KMT2B: variants seen among roughly 807,000 people sequenced by gnomAD.
KMT2B encodes the protein lysine methyltransferase 2B.
In KMT2B, 22 loss-of-function variants were observed where a neutral mutation model predicts 255.3. The ratio of observed to expected loss-of-function variants is 0.09; its 90% confidence interval spans 0.06 to 0.12. The LOEUF (loss-of-function observed/expected upper bound fraction) is 0.12. Ranked by LOEUF, KMT2B falls within the 10% of genes least tolerant of loss-of-function variation. The probability of loss-of-function intolerance (pLI) is 1.00; values close to 1 mark genes in which losing one functional copy is unlikely to be tolerated. For missense variants in KMT2B, 3,149 were observed against 3,737.0 expected, an observed-to-expected ratio of 0.84 and a Z score of 4.10; for synonymous variants, 1,730 against 1,498.1, an observed-to-expected ratio of 1.15 and a Z score of -3.57.
rs201747333 is a variant in KMT2B at position 35,733,705 on chromosome 19, C to T, written c.7049+19C>T. 71 of 1,606,008 alleles carry T rather than the reference C, an allele frequency of 4.4e-5. No individual in the cohort carries two copies. In the African/African-American group the frequency reaches 7.2e-4, roughly 16 times the overall value. On this transcript the variant is annotated intron_variant, in intron 29 of 36. Coordinates refer to ENST00000420124, the MANE Select transcript of KMT2B (RefSeq NM_014727.3). The surrounding 1 kb of genome is among the most constrained non-coding windows in gnomAD (Gnocchi z 4.3). Reference sequence around the variant, plus strand: ...GTCCTGGGTGAGTGGCCAGGCCCCTCTCCCTGGAGGGTCTGGGACCTCTGT... The same window carrying T: ...GTCCTGGGTGAGTGGCCAGGCCCCTTTCCCTGGAGGGTCTGGGACCTCTGT...
intron 3 of KMT2B, 109 bp downstream of exon 3, chr19:35,721,913 C>T (rs179685): frequency 1.4e-6 from 2 of 1,394,878 alleles, no homozygotes; most frequent in East Asian, 2.5e-5. Flanking sequence ...GCGGGGAACC[C>T]TCAGAACCTG....
In KMT2B at chr19:35,720,318, A is replaced by G. The variant is rs753110732; in HGVS notation, c.971A>G (p.Glu324Gly). The change falls in exon 3 of 37, where the codon GAA becomes GGA. Residue 324 changes from glutamate to glycine, a missense_variant. Coordinates refer to ENST00000420124, the MANE Select transcript of KMT2B (RefSeq NM_014727.3). ...ATGGGACAATTGTCCTTGGGACTCG[A>G]ATCAGGTCAAGGTCAAGGTCAACAT... Reference protein sequence around the residue: ...VKMGQLSLGLESGQGQGQHEE... With the variant: ...VKMGQLSLGLGSGQGQGQHEE... 1.2e-5 allele frequency: 20 copies of G among 1,612,828 alleles called. No individual in the cohort carries two copies. In the Admixed American group the frequency reaches 2.7e-4, roughly 22 times the overall value.
At chr19:35,728,628 G>T in intron 19 of KMT2B, 146 bp from the exon 20 acceptor site, 2 of 664,598 alleles carry the variant, frequency 3.0e-6, no homozygotes, top group Non-Finnish European at 5.5e-6. Flanking sequence ...TGGCACAAGA[G>T]GGCCTGGCTT....
chr19:35,730,665 C>A, intron 25 of KMT2B, 42 bp from the exon 26 acceptor site: 2 of 1,613,872 alleles, frequency 1.2e-6, no homozygotes, highest in South Asian at 1.1e-5. Context: ...ATAGCTGGAT[C>A]CCATTTCCCA....
chr19:35,733,853 C>T lies in KMT2B; in HGVS notation c.7140C>T (p.Ser2380=). The change falls in exon 30 of 37, where the codon TCC becomes TCT. Residue 2380 remains serine, a synonymous_variant. Transcript: ENST00000420124. This position sits in a 1 kb window ranked among gnomAD's most constrained non-coding sequence, Gnocchi z 4.3. Reference sequence around the variant, plus strand: ...GTCCCCCAGACCTGCTGCTTGAGTCCCAGTGGCACCACTATTCAGGTAGGG... The same window carrying T: ...GTCCCCCAGACCTGCTGCTTGAGTCTCAGTGGCACCACTATTCAGGTAGGG... ...PDGPPDLLLE[S]QWHHYSGEAS... 6.2e-7 allele frequency: 1 copy of T among 1,613,100 alleles called. No individual in the cohort carries two copies.
rs754524790 is a variant in KMT2B at position 35,720,615 on chromosome 19, C to A, written c.1268C>A (p.Ser423Tyr). ...PPPPLPPPSTSPPPPLCPPPP... is the reference protein window; with the variant it reads ...PPPPLPPPSTYPPPPLCPPPP... ...CCACCCCTCCCACCCCCTTCGACAT[C>A]TCCTCCACCCCCACTCTGCCCTCCA... The change falls in exon 3 of 37, where the codon TCT becomes TAT. Residue 423 changes from serine to tyrosine, a missense_variant. Coordinates refer to ENST00000420124, the MANE Select transcript of KMT2B (RefSeq NM_014727.3). The A allele has an allele frequency of 5.9e-5, 57 of 964,824 alleles. No individual in the cohort carries two copies. The South Asian group carries it at 8.8e-4, about 15-fold the overall frequency. The allele number at this position is 964,824 out of a possible 1,614,324, so 59.8% of individuals were successfully genotyped here. A position where few individuals can be genotyped will look rare whatever the true frequency, so the allele number is the denominator to read the frequency against.
chr19:35,733,091 C>T lies in KMT2B; in HGVS notation c.6542C>T (p.Pro2181Leu). The change falls in exon 28 of 37, where the codon CCT becomes CTT. Residue 2181 changes from proline (P) to leucine (L), a missense_variant. Physicochemically the swap from Pro to Leu is moderately conservative, Grantham distance 98 (BLOSUM62 -3). Coordinates refer to ENST00000420124, the MANE Select transcript of KMT2B (RefSeq NM_014727.3). The surrounding 1 kb of genome is among the most constrained non-coding windows in gnomAD (Gnocchi z 4.3). The stretch of plus-strand genomic sequence containing the variant: ...CGGGTGTTAAGCCTTGGCCCTGCCC[C>T]TGAGCCCCCCAAACCCGCCACATCC... ...GVRVLSLGPA[P>L]EPPKPATSKI... 6.4e-7 allele frequency: 1 copy of T among 1,564,704 alleles called. No individual in the cohort carries two copies. Among genetic ancestry groups the T allele is most frequent in the Non-Finnish European group, 8.7e-7 (1 of 1,154,444 alleles).
Position 35,737,286 on chromosome 19 carries a change from C to T in KMT2B, c.7550+23C>T. The T allele has an allele frequency of 2.0e-6, 3 of 1,477,530 alleles. No homozygotes were observed. The highest frequency in any genetic ancestry group is 1.8e-6 in the Non-Finnish European group (2 of 1,114,176). The allele number at this position is 1,477,530 out of a possible 1,614,324, so 91.5% of individuals were successfully genotyped here. ...CCGGTGAGAGGTCTGGGGTGTGATG[C>T]CTGGGTCAGGGCGCCCCTATGAGAG... On this transcript the variant is annotated intron_variant, in intron 33 of 36. Coordinates refer to ENST00000420124, the MANE Select transcript of KMT2B (RefSeq NM_014727.3). The surrounding 1 kb of genome is among the most constrained non-coding windows in gnomAD (Gnocchi z 5.3).
intron 9 of KMT2B, 79 bp downstream of exon 9, chr19:35,724,810 CGTG>C (rs2146448733): frequency 7.6e-7 from 1 of 1,309,210 alleles, no homozygotes; most frequent in East Asian, 2.5e-5. Flanking sequence ...ACCTGAGTGT[CGTG>C]GTGTGTCCAC....
Position 35,730,336 on chromosome 19 carries a change from T to C in KMT2B, c.5077-6T>C, listed in dbSNP as rs58280237. 1.7e-4 allele frequency: 271 copies of C among 1,609,866 alleles called. 2 individuals are homozygous for C. The African/African-American group carries it at 3.3e-3, about 19-fold the overall frequency. On this transcript the variant is annotated splice_region_variant and splice_polypyrimidine_tract_variant and intron_variant, in intron 23 of 36. Coordinates refer to ENST00000420124, the MANE Select transcript of KMT2B (RefSeq NM_014727.3). ...AGCCACCTCACTTTGCCACCCCCTCTTCCAGGAAATTGTGAACCCCGATGG... is the reference window on the plus strand; with the variant it reads ...AGCCACCTCACTTTGCCACCCCCTCCTCCAGGAAATTGTGAACCCCGATGG...
intron 19 of KMT2B, among the ~76,000 whole-genome samples, chr19:35,728,473 G>C (rs564599463): frequency 7.9e-6 from 1 of 126,116 alleles, no homozygotes; most frequent in South Asian, 2.9e-4. Flanking sequence ...CAGTGATGGA[G>C]AATACCAGGG....
Position 35,738,743 on chromosome 19 carries a change from CCTTTCT to C in KMT2B, c.*187_*192del. 1.6e-6 allele frequency: 1 copy of C among 632,440 alleles called. No homozygotes were observed. Among genetic ancestry groups the C allele is most frequent in the Non-Finnish European group, 2.7e-6 (1 of 368,392 alleles). The allele number at this position is 632,440 out of a possible 1,614,324, so 39.2% of individuals were successfully genotyped here. On this transcript the variant is annotated 3_prime_UTR_variant, in exon 37 of 37. Coordinates refer to ENST00000420124, the MANE Select transcript of KMT2B (RefSeq NM_014727.3). This position sits in a 1 kb window ranked among gnomAD's most constrained non-coding sequence, Gnocchi z 8.7. ...CCTCCAGCCCATCCAGCAATCGCCC[CCTTTCT>C]GCCCTGGGGGCCCAGGATGTAGATA...
rs1221227064 is a variant in KMT2B at position 35,722,463 on chromosome 19, G to A, written c.2562G>A (p.Glu854=). ...SEDESVEAKR[E]RPSGPESPVQ... ...ATGAGTCGGTGGAAGCTAAGAGAGA[G>A]CGGCCCTCAGTATGCATCGGGAGGA... is the stretch of plus-strand genomic sequence containing the variant. Residue 854 remains glutamate, a synonymous_variant, in exon 4 of 37, where the codon GAG becomes GAA. Coordinates refer to ENST00000420124, the MANE Select transcript of KMT2B (RefSeq NM_014727.3). The A allele has an allele frequency of 1.2e-6, 2 of 1,607,684 alleles. No homozygotes were observed. The highest frequency in any genetic ancestry group is 1.7e-6 in the Non-Finnish European group (2 of 1,179,724).
Position 35,723,137 on chromosome 19 carries a change from C to G in KMT2B, c.2865C>G (p.Ser955=), listed in dbSNP as rs1969289074. The change falls in exon 6 of 37, where the codon TCC becomes TCG. Residue 955 remains serine (S), a synonymous_variant. Coordinates refer to ENST00000420124, the MANE Select transcript of KMT2B (RefSeq NM_014727.3). This position sits in a 1 kb window ranked among gnomAD's most constrained non-coding sequence, Gnocchi z 7.5. Reference sequence around the variant, plus strand: ...ACACACCCCGGCGCTCACTGCCCTCCCATCACGGCAAGAAGATGCGCATGG... The same window carrying G: ...ACACACCCCGGCGCTCACTGCCCTCGCATCACGGCAAGAAGATGCGCATGG... ...LAHTPRRSLP[S]HHGKKMRMAR... 6.2e-7 allele frequency: 1 copy of G among 1,613,542 alleles called. No individual in the cohort carries two copies. Among genetic ancestry groups the G allele is most frequent in the South Asian group, 1.1e-5 (1 of 91,082 alleles).
In KMT2B at chr19:35,722,471, C is replaced by T. The variant is rs370754915; in HGVS notation, c.2570C>T (p.Ser857Leu). 2.5e-6 allele frequency: 4 copies of T among 1,606,880 alleles called. No individual in the cohort carries two copies. Among genetic ancestry groups the T allele is most frequent in the Non-Finnish European group, 3.4e-6 (4 of 1,179,622 alleles). ...GTGGAAGCTAAGAGAGAGCGGCCCT[C>T]AGTATGCATCGGGAGGAGGGCCCTG... is the stretch of plus-strand genomic sequence containing the variant. ...ESVEAKRERPSGPESPVQGPR... is the reference protein window; with the variant it reads ...ESVEAKRERPLGPESPVQGPR... The change falls in exon 4 of 37, where the codon TCA (serine) becomes TTA (leucine). Residue 857 changes from serine (S) to leucine (L), a missense_variant and splice_region_variant. By Grantham distance (145) the Ser-to-Leu change is moderately radical (BLOSUM62 -2). Transcript: ENST00000420124.
At position 35,736,330 on chromosome 19, in the gene KMT2B, T is replaced by C. The variant is rs565580878; in HGVS notation, c.7160-360T>C. On this transcript the variant is annotated intron_variant, in intron 30 of 36. Transcript: ENST00000420124. ...AAAATAGATGTGCAAAATACAATTCTCCAGTATTTTAAATTTTGTGTGAGA... is the reference window on the plus strand; with the variant it reads ...AAAATAGATGTGCAAAATACAATTCCCCAGTATTTTAAATTTTGTGTGAGA... The C allele has an allele frequency of 2.4e-5, 5 of 208,068 alleles. No individual in the cohort carries two copies. In the South Asian group the frequency reaches 5.8e-4, roughly 24 times the overall value. 12.9% of individuals were successfully genotyped at this position (208,068 alleles called of 1,614,324 possible). A position where few individuals can be genotyped will look rare whatever the true frequency, so the allele number is the denominator to read the frequency against.
At chr19:35,729,887 C>T in intron 22 of KMT2B, 80 bp from the exon 23 acceptor site, 1 of 1,400,358 alleles carries the variant, frequency 7.1e-7, no homozygotes. Context: ...AGACAGGGAC[C>T]CATGCAGACT....
chr19:35,738,256 C>T lies in KMT2B; in HGVS notation c.7873-26C>T. On this transcript the variant is annotated intron_variant, in intron 36 of 36. Transcript: ENST00000420124. The surrounding 1 kb of genome is among the most constrained non-coding windows in gnomAD (Gnocchi z 8.7). ...GAGCCTGTCCGCGGGGACAGAGCAC[C>T]TGATCTCCCCACCTCATCCCTGCAG... 6.2e-7 allele frequency: 1 copy of T among 1,613,156 alleles called. No homozygotes were observed. The highest frequency in any genetic ancestry group is 8.5e-7 in the Non-Finnish European group (1 of 1,179,294).
In KMT2B at chr19:35,733,303, G is replaced by GCCCCCCCCCCCC; in HGVS notation, c.6758_6759insCCCCCCCCCCCC (p.Pro2256_Pro2259dup). The GCCCCCCCCCCCC allele has an allele frequency of 3.0e-6, 4 of 1,340,092 alleles. No individual in the cohort carries two copies. Among genetic ancestry groups the GCCCCCCCCCCCC allele is most frequent in the Admixed American group, 2.0e-5 (1 of 49,284 alleles). 83.0% of individuals were successfully genotyped at this position (1,340,092 alleles called of 1,614,324 possible). A position where few individuals can be genotyped will look rare whatever the true frequency, so the allele number is the denominator to read the frequency against. On this transcript the variant is annotated inframe_insertion, in exon 28 of 37. Transcript: ENST00000420124. The surrounding 1 kb of genome is among the most constrained non-coding windows in gnomAD (Gnocchi z 4.3). The stretch of plus-strand genomic sequence containing the variant: ...GCCCGTGGTCGGAGTGGTCCGCCCT[G>GCCCCCCCCCCCC]CCCCGCCCCCGCCACCCCCTCCCCT...
Sources: allele counts gnomAD v4.1 joint callset (sites outside exome capture counted in the v4.1 genomes callset), GRCh38; gene constraint gnomAD v4.1.1; non-coding constraint Gnocchi (gnomAD v3.1); transcripts MANE v1.5; gene names NCBI Gene and HGNC (gene_info 2026-07-23, HGNC 2026-07-21).